The following ZNF486 variants were observed in gnomAD, a reference collection of about 807,000 sequenced individuals.
The protein encoded by ZNF486 is KRAB box only protein 2.
ZNF486 carries 12 observed loss-of-function variants against 12.8 expected under a neutral mutation model. The observed-to-expected ratio is 0.94, with a 90% CI of 0.60 to 1.52. The LOEUF (loss-of-function observed/expected upper bound fraction) is 1.52. Among genes scored for constraint, ZNF486 ranks in the 40% most tolerant of loss-of-function variants. ZNF486 has a pLI of 0.00. For synonymous variants in ZNF486, 231 were observed against 184.9 expected (o/e 1.25, Z -2.02); for missense variants, 738 against 545.0 (o/e 1.35, Z -3.53).
intron 3 of ZNF486, among the ~76,000 whole-genome samples, chr19:20,186,788 T>TG (rs1412474239): frequency 2.7e-5 from 4 of 147,228 alleles, no homozygotes; most frequent in African/African-American, 1.0e-4. Context: ...TCATAGGTTT[T>TG]TTTTTTTTTT....
Position 20,198,103 on chromosome 19 carries a change from CA to C in ZNF486, c.*4del, listed in dbSNP as rs1568329184. ...TATTGGACAGAAACCAAGAACGTGA[CA>C]AAGGATTATTTTATTATTATTATTT... On this transcript the variant is annotated 3_prime_UTR_variant, in exon 4 of 4. Coordinates refer to ENST00000335117, the MANE Select transcript of ZNF486 (RefSeq NM_052852.4). 1 of 1,556,570 alleles carries C rather than the reference CA, an allele frequency of 6.4e-7. No individual in the cohort carries two copies. The highest frequency in any genetic ancestry group is 1.2e-5 in the South Asian group (1 of 84,034).
intron 1 of ZNF486, among the ~76,000 whole-genome samples, chr19:20,173,975 T>G (rs1333555389): frequency 6.6e-6 from 1 of 152,130 alleles, no homozygotes; most frequent in Non-Finnish European, 1.5e-5. Context: ...TTTTTCTGAC[T>G]CCAGATTATC....
chr19:20,199,127 A>G lies in ZNF486; in HGVS notation c.*1025A>G, dbSNP rs557777829. On this transcript the variant is annotated 3_prime_UTR_variant, in exon 4 of 4. Transcript: ENST00000335117. ...CTTGAGAAAAATTGTACAAATATAA[A>G]GAATATGGAAAAGCCATTAATGTCC... is the stretch of plus-strand genomic sequence containing the variant. 6.6e-6 allele frequency: 1 copy of G among 152,310 alleles called. No homozygotes were observed. The highest frequency in any genetic ancestry group is 2.1e-4 in the South Asian group (1 of 4,824). The allele number at this position is 152,310 out of a possible 1,614,324, so 9.4% of individuals were successfully genotyped here. A position where few individuals can be genotyped will look rare whatever the true frequency, so the allele number is the denominator to read the frequency against.
intron 1 of ZNF486, chr19:20,176,977 A>G (rs1421462254): frequency 6.6e-6 from 1 of 152,260 alleles, no homozygotes; most frequent in African/African-American, 2.4e-5. Flanking sequence ...CATTATAAGT[A>G]GAAACTGAGG....
chr19:20,191,450 G>A (rs1183240823), intron 3 of ZNF486, among the ~76,000 whole-genome samples: 1 of 135,818 alleles, frequency 7.4e-6, no homozygotes, highest in Non-Finnish European at 1.5e-5. Flanking sequence ...CTGGGCGACA[G>A]CGAGATTCCT....
chr19:20,178,057 G>A (rs552341330), intron 1 of ZNF486, among the ~76,000 whole-genome samples: 1 of 151,258 alleles, frequency 6.6e-6, no homozygotes, highest in South Asian at 2.1e-4. Flanking sequence ...TTGAGTAGCT[G>A]GGATTACAGG....
At chr19:20,177,451 C>T (rs1167274091) in intron 1 of ZNF486, among the ~76,000 whole-genome samples, 11 of 152,174 alleles carry the variant, frequency 7.2e-5, no homozygotes, top group South Asian at 2.1e-4. Flanking sequence ...TTAAGATGAA[C>T]GATGTATGAC....
At position 20,199,729 on chromosome 19, in the gene ZNF486, T is replaced by C. The variant is rs1378140875; in HGVS notation, c.*1627T>C. On this transcript the variant is annotated 3_prime_UTR_variant, in exon 4 of 4. Coordinates refer to ENST00000335117, the MANE Select transcript of ZNF486 (RefSeq NM_052852.4). ...GTCTCCAGGAAAAAAAAAAATTTATTTGTGTATAACTTTAAAAGCAGATTT... is the reference window on the plus strand; with the variant it reads ...GTCTCCAGGAAAAAAAAAAATTTATCTGTGTATAACTTTAAAAGCAGATTT... The C allele has an allele frequency of 6.6e-6, 1 of 151,768 alleles. No homozygotes were observed. Among genetic ancestry groups the C allele is most frequent in the Non-Finnish European group, 1.5e-5 (1 of 67,956 alleles). The allele number at this position is 151,768 out of a possible 1,614,324, so 9.4% of individuals were successfully genotyped here.
chr19:20,186,502 G>C (rs551095998), intron 3 of ZNF486, among the ~76,000 whole-genome samples: 5 of 151,896 alleles, frequency 3.3e-5, no homozygotes, highest in African/African-American at 1.2e-4. Context: ...TGCATTTTTT[G>C]TTCATTTTTT....
At chr19:20,185,827 A>C (rs978183635) in intron 2 of ZNF486, among the ~76,000 whole-genome samples, 160 bp from the exon 3 acceptor site, 1 of 151,724 alleles carries the variant, frequency 6.6e-6, no homozygotes, top group Non-Finnish European at 1.5e-5. Flanking sequence ...GAAACCTTAA[A>C]GTTGAAAGTA....
chr19:20,191,763 C>G (rs1568325748), intron 3 of ZNF486, among the ~76,000 whole-genome samples: 1 of 152,076 alleles, frequency 6.6e-6, no homozygotes, highest in Non-Finnish European at 1.5e-5. Context: ...GAGCAGGACT[C>G]TGTCTCAAAA....
chr19:20,170,944 C>G (rs2089641691), intron 1 of ZNF486, among the ~76,000 whole-genome samples: 1 of 152,106 alleles, frequency 6.6e-6, no homozygotes, highest in South Asian at 2.1e-4. Flanking sequence ...TATTGAACTT[C>G]AGGAAGGTTT....
chr19:20,175,331 AT>A (rs782300626), intron 1 of ZNF486: 9,366 of 119,834 alleles, frequency 0.078, 505 homozygotes, highest in African/African-American at 0.18. Context: ...AGCCCTATTA[AT>A]TTTTTTTTTT....
At position 20,200,102 on chromosome 19, in the gene ZNF486, A is replaced by C. The variant is rs1212149721; in HGVS notation, c.*2000A>C. On this transcript the variant is annotated 3_prime_UTR_variant, in exon 4 of 4. Transcript: ENST00000335117. ...AAAAAAAAAGTGTATTTGTTTCCTT[A>C]AAAAAATTTTTCTGAAAAGTGGGTA... 1 of 152,032 alleles carries C rather than the reference A, an allele frequency of 6.6e-6. No individual in the cohort carries two copies. The highest frequency in any genetic ancestry group is 2.4e-5 in the African/African-American group (1 of 41,370). The allele number at this position is 152,032 out of a possible 1,614,324, so 9.4% of individuals were successfully genotyped here.
chr19:20,172,663 T>C (rs2122628516), intron 1 of ZNF486, among the ~76,000 whole-genome samples: 1 of 144,556 alleles, frequency 6.9e-6, no homozygotes, highest in East Asian at 1.9e-4. Flanking sequence ...TTTTTTTTTT[T>C]TTGTGAGATG....
chr19:20,174,373 T>G (rs1459867203), intron 1 of ZNF486, among the ~76,000 whole-genome samples: 1 of 151,274 alleles, frequency 6.6e-6, no homozygotes, highest in Non-Finnish European at 1.5e-5. Flanking sequence ...CATTTAACAG[T>G]ATTTTGTTTT....
intron 3 of ZNF486, chr19:20,188,642 G>A (rs2089873374): frequency 2.5e-6 from 1 of 393,790 alleles, no homozygotes; most frequent in Non-Finnish European, 4.5e-6. Flanking sequence ...GTGAGACCCT[G>A]TCTCCAAAAA....
intron 1 of ZNF486, among the ~76,000 whole-genome samples, chr19:20,179,126 T>C (rs2089756271): frequency 6.6e-6 from 1 of 152,214 alleles, no homozygotes; most frequent in South Asian, 2.1e-4. Context: ...AAAATGAAAG[T>C]GCAGTTATGT....
Position 20,198,467 on chromosome 19 carries a change from A to G in ZNF486, c.*365A>G, listed in dbSNP as rs902780420. On this transcript the variant is annotated 3_prime_UTR_variant, in exon 4 of 4. Transcript: ENST00000335117. ...ATAATTCATACTGGACAGAAACCCTACAAGTGTGAAGAATGTGGCAAGCCT... is the reference window on the plus strand; with the variant it reads ...ATAATTCATACTGGACAGAAACCCTGCAAGTGTGAAGAATGTGGCAAGCCT... 9.2e-6 allele frequency: 2 copies of G among 217,764 alleles called. No individual in the cohort carries two copies. Among genetic ancestry groups the G allele is most frequent in the South Asian group, 8.5e-5 (1 of 11,804 alleles). The allele number at this position is 217,764 out of a possible 1,614,324, so 13.5% of individuals were successfully genotyped here. A position where few individuals can be genotyped will look rare whatever the true frequency, so the allele number is the denominator to read the frequency against.
Sources: gnomAD v4.1 joint callset for allele counts (sites outside exome capture counted in the v4.1 genomes callset) on GRCh38, gnomAD v4.1.1 for gene constraint, MANE v1.5 for transcripts, NCBI Gene and HGNC (gene_info 2026-07-23, HGNC 2026-07-21) for gene names.